WDR19: variants seen among roughly 807,000 people sequenced by gnomAD.
WDR19 encodes WD repeat-containing protein 19.
WDR19 carries 121 observed loss-of-function variants against 180.0 expected under a neutral mutation model. The observed-to-expected ratio is 0.67, with a 90% confidence interval of 0.58 to 0.78. The LOEUF is 0.78. WDR19 is among the 30% of genes least tolerant of loss of function. The pLI, the probability that WDR19 is intolerant of heterozygous loss-of-function variation, is 0.00. For missense variants in WDR19, 1,450 were observed against 1,640.7 expected (o/e 0.88, Z 2.01); for synonymous variants, 497 against 540.7 (o/e 0.92, Z 1.12).
chr4:39,186,540 G>A lies in WDR19; in HGVS notation c.100G>A (p.Ala34Thr), dbSNP rs1318009175. 1 of 1,531,236 alleles carries A rather than the reference G, an allele frequency of 6.5e-7. No homozygotes were observed. Among genetic ancestry groups the A allele is most frequent in the Non-Finnish European group, 8.8e-7 (1 of 1,134,578 alleles). 94.9% of individuals were successfully genotyped at this position (1,531,236 alleles called of 1,614,324 possible). Residue 34 changes from alanine to threonine, a missense_variant and splice_region_variant, in exon 3 of 37, where the codon GCT becomes ACT. Transcript: ENST00000399820. ...TCTTTATGTTCTGATTGCTTTCAGA[G>A]CTGATTATATTGTGAAAATCTTTGA... ...TSGNYLAVTG[A>T]DYIVKIFDRH...
At chr4:39,193,108 C>T (rs1430575270) in intron 4 of WDR19, among the ~76,000 whole-genome samples, 1 of 151,872 alleles carries the variant, frequency 6.6e-6, no homozygotes, top group Non-Finnish European at 1.5e-5. Context: ...ATAGAAGAAC[C>T]TAGCAGCCTG....
rs961780819 is a variant in WDR19 at position 39,231,713 on chromosome 4, G to A, written c.1983-84G>A. 14 of 1,240,342 alleles carry A rather than the reference G, an allele frequency of 1.1e-5. No individual in the cohort carries two copies. In the Admixed American group the frequency reaches 1.8e-4, roughly 16 times the overall value. The allele number at this position is 1,240,342 out of a possible 1,614,324, so 76.8% of individuals were successfully genotyped here. A position where few individuals can be genotyped will look rare whatever the true frequency, so the allele number is the denominator to read the frequency against. On this transcript the variant is annotated intron_variant, in intron 17 of 36. Transcript: ENST00000399820. ...GTTTTAGACAGTTTATCTGGGGCAC[G>A]CTATTAGATGACATGTAGTCTGAAA...
At chr4:39,210,325 C>A (rs957276477) in intron 9 of WDR19, among the ~76,000 whole-genome samples, 2 of 152,202 alleles carry the variant, frequency 1.3e-5, no homozygotes, top group Non-Finnish European at 2.9e-5. Flanking sequence ...AATTATACTT[C>A]ATGACCAAGT....
At chr4:39,278,719 C>A in intron 36 of WDR19, 56 bp downstream of exon 36, 1 of 1,011,682 alleles carries the variant, frequency 9.9e-7, no homozygotes, top group Non-Finnish European at 1.5e-6. Flanking sequence ...AGCGTGCACG[C>A]AGCTTTTCAC....
intron 28 of WDR19, among the ~76,000 whole-genome samples, chr4:39,263,296 T>A (rs757153650): frequency 2.8e-4 from 43 of 152,202 alleles, no homozygotes; most frequent in Non-Finnish European, 4.9e-4. Context: ...TCTCACTTGC[T>A]AAATATAGAA....
Position 39,278,425 on chromosome 4 carries a change from T to C in WDR19, c.3918-114T>C, listed in dbSNP as rs1231486200. ...TAGTTCTGATTCTCAAATTGCATGGTGGACATGTGTTAAGAGGTGTAGACA... is the reference window on the plus strand; with the variant it reads ...TAGTTCTGATTCTCAAATTGCATGGCGGACATGTGTTAAGAGGTGTAGACA... On this transcript the variant is annotated intron_variant, in intron 35 of 36. Transcript: ENST00000399820. The C allele has an allele frequency of 4.8e-6, 4 of 838,426 alleles. No homozygotes were observed. The African/African-American group carries it at 5.2e-5, about 11-fold the overall frequency. The allele number at this position is 838,426 out of a possible 1,614,324, so 51.9% of individuals were successfully genotyped here.
intron 33 of WDR19, among the ~76,000 whole-genome samples, chr4:39,275,816 C>T (rs1735837225): frequency 6.6e-6 from 1 of 152,166 alleles, no homozygotes; most frequent in African/African-American, 2.4e-5. Context: ...AGTGGACGTT[C>T]AGTGGAAGTT....
At chr4:39,212,231 C>G (rs1728619083) in intron 9 of WDR19, among the ~76,000 whole-genome samples, 1 of 152,056 alleles carries the variant, frequency 6.6e-6, no homozygotes, top group Non-Finnish European at 1.5e-5. Context: ...TCAATAAAAG[C>G]AAGATACCCT....
intron 5 of WDR19, 96 bp downstream of exon 5, chr4:39,194,755 T>G: frequency 1.1e-6 from 1 of 934,068 alleles, no homozygotes; most frequent in South Asian, 1.5e-5. Flanking sequence ...CAATGGAAAT[T>G]TTGCAGTACA....
chr4:39,205,308 G>A (rs183509042), intron 8 of WDR19, 42 bp downstream of exon 8: 2 of 1,478,380 alleles, frequency 1.4e-6, no homozygotes, highest in Non-Finnish European at 1.8e-6. Context: ...GCTCATTACA[G>A]AAGGACATCT....
intron 9 of WDR19, chr4:39,205,982 C>G: frequency 2.7e-6 from 1 of 377,252 alleles, no homozygotes; most frequent in Non-Finnish European, 4.8e-6. Context: ...CCCATGTCTC[C>G]CACTGAGTAC....
intron 27 of WDR19, among the ~76,000 whole-genome samples, chr4:39,257,230 T>A (rs1167972566): frequency 6.6e-6 from 1 of 152,226 alleles, no homozygotes; most frequent in Non-Finnish European, 1.5e-5. Flanking sequence ...TAAATCTTCC[T>A]ACTGAAAAGG....
At chr4:39,220,829 T>TTTTA (rs967767833) in intron 14 of WDR19, among the ~76,000 whole-genome samples, 143 of 149,770 alleles carry the variant, frequency 9.5e-4, no homozygotes, top group Non-Finnish European at 1.6e-3. Context: ...TATATTTTCT[T>TTTTA]TTTATTTATT....
At chr4:39,217,644 T>C (rs1333408386) in intron 13 of WDR19, among the ~76,000 whole-genome samples, 3 of 152,174 alleles carry the variant, frequency 2.0e-5, no homozygotes, top group Non-Finnish European at 4.4e-5. Flanking sequence ...CCATGCCTGC[T>C]GAGTTGTTCA....
intron 20 of WDR19, 147 bp downstream of exon 20, chr4:39,235,022 G>A (rs1731241548): frequency 1.8e-6 from 1 of 552,020 alleles, no homozygotes; most frequent in East Asian, 3.0e-5. Context: ...TCTGAAAAAT[G>A]TTTTTTCTAA....
intron 35 of WDR19, 124 bp from the exon 36 acceptor site, chr4:39,278,415 A>G (rs748341644): frequency 1.2e-6 from 1 of 830,722 alleles, no homozygotes; most frequent in Non-Finnish European, 1.9e-6. Flanking sequence ...CTGATTCTCA[A>G]ATTGCATGGT....
rs925849709 is a variant in WDR19, at chr4:39,194,203, A to C, written c.291-341A>C. 3.3e-5 allele frequency among the ~76,000 whole-genome samples: 5 copies of C among 152,204 alleles called. No homozygotes were observed. The South Asian group carries it at 1.0e-3, about 32-fold the overall frequency. On this transcript the variant is annotated intron_variant, in intron 4 of 36. Coordinates refer to ENST00000399820, the MANE Select transcript of WDR19 (RefSeq NM_025132.4). Reference sequence around the variant, plus strand: ...CTTTTTTAAAGTATGAGGTTTCACCATCCATTAATATTTTTGTAATCACAT... The same window carrying C: ...CTTTTTTAAAGTATGAGGTTTCACCCTCCATTAATATTTTTGTAATCACAT...
intron 14 of WDR19, among the ~76,000 whole-genome samples, chr4:39,219,372 T>C (rs1019381002): frequency 3.3e-5 from 5 of 152,240 alleles, no homozygotes; most frequent in South Asian, 4.1e-4. Flanking sequence ...CCTGATCTTA[T>C]GGGACTACCA....
intron 24 of WDR19, among the ~76,000 whole-genome samples, chr4:39,249,114 T>C (rs1012300799): frequency 1.3e-5 from 2 of 152,000 alleles, no homozygotes; most frequent in African/African-American, 4.8e-5. Context: ...CCTCAGCAAA[T>C]GTAAAAGAAC....
Sources: gnomAD v4.1 joint callset for allele counts (sites outside exome capture counted in the v4.1 genomes callset) on GRCh38, gnomAD v4.1.1 for gene constraint, MANE v1.5 for transcripts, NCBI Gene and HGNC (gene_info 2026-07-23, HGNC 2026-07-21) for gene names.